LRP1B: variants seen among roughly 807,000 people sequenced by gnomAD.
The protein encoded by LRP1B is LDL receptor related protein 1B, also known as low-density lipoprotein receptor-related protein 1B.
LRP1B carries 217 observed loss-of-function variants against 556.6 expected under a neutral mutation model. The observed-to-expected ratio is 0.39, with a 90% CI of 0.35 to 0.44. The LOEUF is 0.44. LRP1B is among the 20% of genes least tolerant of loss of function. The probability of loss-of-function intolerance (pLI) is 1.00; values close to 1 mark genes in which losing one functional copy is unlikely to be tolerated. For missense variants in LRP1B, 5,053 were observed against 5,620.8 expected (o/e 0.90, Z 3.23); for synonymous variants, 2,047 against 1,865.8 (o/e 1.10, Z -2.50).
At chr2:141,896,208 A>G (rs1699448597) in intron 1 of LRP1B, among the ~76,000 whole-genome samples, 1 of 152,172 alleles carries the variant, frequency 6.6e-6, no homozygotes, top group Non-Finnish European at 1.5e-5. Context: ...GTCTCAAAGA[A>G]AAGCAAAGTT....
chr2:140,367,134 T>C (rs2105157647), intron 71 of LRP1B, among the ~76,000 whole-genome samples: 1 of 151,756 alleles, frequency 6.6e-6, no homozygotes, highest in East Asian at 1.9e-4. Flanking sequence ...ATGCTCATGA[T>C]TGTTATTATT....
At position 141,998,025 on chromosome 2, in the gene LRP1B, T is replaced by TA. The variant is rs540375790; in HGVS notation, c.82+132622dup. On this transcript the variant is annotated intron_variant, in intron 1 of 90. Coordinates refer to ENST00000389484, the MANE Select transcript of LRP1B (RefSeq NM_018557.3). ...CAGGGGCTACTGTTACGTATTAAAG[T>TA]AAAAAAAGGGTGCAGTTTAAACATA... Among the ~76,000 whole-genome samples the TA allele has an allele frequency of 5.2e-3, 795 of 152,040 alleles. 6 individuals carry two copies. The highest frequency in any genetic ancestry group is 0.016 in the South Asian group (75 of 4,824).
At chr2:140,894,933 ACT>A (rs1228812406) in intron 23 of LRP1B, among the ~76,000 whole-genome samples, 1 of 147,008 alleles carries the variant, frequency 6.8e-6, no homozygotes, top group East Asian at 2.0e-4. Flanking sequence ...CCAGAATGAG[ACT>A]CTGCCTCAAA....
At chr2:141,215,063 C>G (rs1335437628) in intron 6 of LRP1B, among the ~76,000 whole-genome samples, 1 of 152,164 alleles carries the variant, frequency 6.6e-6, no homozygotes, top group Non-Finnish European at 1.5e-5. Context: ...GAGGTGGGGA[C>G]TGGTGGGTGA....
intron 20 of LRP1B, among the ~76,000 whole-genome samples, chr2:140,945,702 A>G (rs989614136): frequency 1.3e-5 from 2 of 152,172 alleles, no homozygotes; most frequent in Non-Finnish European, 2.9e-5. Flanking sequence ...ACAAAAAAAA[A>G]TAAAAACTCA....
rs2105036828 is a variant in LRP1B, at chr2:140,813,774, A to G, written c.5242T>C (p.Tyr1748His). The G allele has an allele frequency of 6.2e-7, 1 of 1,609,480 alleles. No individual in the cohort carries two copies. The highest frequency in any genetic ancestry group is 8.5e-7 in the Non-Finnish European group (1 of 1,176,104). ...LSIDYVENKL[Y>H]WISSGNGTIN... ...GTTCCATTCCCTGAACTGATCCAAT[A>G]AAGCTTGTTTTCCACATAGTCTATC... is the stretch of plus-strand genomic sequence containing the variant. Residue 1748 changes from tyrosine to histidine, a missense_variant, in exon 32 of 91, where the codon TAT (tyrosine) becomes CAT (histidine). Around this residue, in one of 5 missense-constraint regions of LRP1B, gnomAD observed 3,619 missense variants for 3,931.9 expected, o/e 0.92. Coordinates refer to ENST00000389484, the MANE Select transcript of LRP1B (RefSeq NM_018557.3).
intron 35 of LRP1B, among the ~76,000 whole-genome samples, chr2:140,762,184 G>GT (rs11423637): frequency 5.7e-4 from 87 of 152,134 alleles, no homozygotes; most frequent in African/African-American, 2.0e-3. Context: ...ATTATGAAAC[G>GT]ATTAGGGATC....
intron 7 of LRP1B, among the ~76,000 whole-genome samples, chr2:141,096,685 AG>A (rs1700329805): frequency 7.5e-6 from 1 of 133,646 alleles, no homozygotes; most frequent in African/African-American, 2.7e-5. Flanking sequence ...AGAGAGAGAG[AG>A]AGAGAAAATA....
chr2:140,532,927 A>ATATATATATAT lies in LRP1B; in HGVS notation c.7762+1093_7762+1094insATATATATATA, dbSNP rs1007771800. 4.2e-3 allele frequency among the ~76,000 whole-genome samples: 199 copies of ATATATATATAT among 47,112 alleles called. 1 individual carries two copies. Among genetic ancestry groups the ATATATATATAT allele is most frequent in the African/African-American group, 0.012 (194 of 16,258 alleles). 30.9% of individuals were successfully genotyped at this position (47,112 alleles called of 152,430 possible). ...GTTCTTACGTGTGCAATCACAGCAC[A>ATATATATATAT]AGATATATATATATATATATACACA... On this transcript the variant is annotated intron_variant, in intron 47 of 90. Coordinates refer to ENST00000389484, the MANE Select transcript of LRP1B (RefSeq NM_018557.3).
At chr2:140,993,823 TG>T (rs1221178069) in intron 16 of LRP1B, among the ~76,000 whole-genome samples, 171 bp downstream of exon 16, 2 of 152,060 alleles carry the variant, frequency 1.3e-5, no homozygotes, top group African/African-American at 4.8e-5. Context: ...TTTGAAACTA[TG>T]CAAAGGAGGC....
At chr2:141,479,118 C>T (rs915896110) in intron 3 of LRP1B, among the ~76,000 whole-genome samples, 4 of 152,092 alleles carry the variant, frequency 2.6e-5, no homozygotes, top group African/African-American at 9.7e-5. Flanking sequence ...GACCTAGTGA[C>T]CAGTTGATTT....
intron 17 of LRP1B, among the ~76,000 whole-genome samples, chr2:140,983,260 G>C (rs1036005624): frequency 6.6e-6 from 1 of 151,856 alleles, no homozygotes; most frequent in African/African-American, 2.4e-5. Flanking sequence ...CATTGGACTA[G>C]AGAAAAAAAT....
intron 1 of LRP1B, among the ~76,000 whole-genome samples, chr2:141,914,418 G>A (rs1005007513): frequency 5.9e-5 from 9 of 151,936 alleles, no homozygotes; most frequent in African/African-American, 1.9e-4. Flanking sequence ...ATAAATTCCT[G>A]ACTTGAAGTG....
chr2:141,111,461 T>A (rs1318214858), intron 7 of LRP1B, among the ~76,000 whole-genome samples: 1 of 152,174 alleles, frequency 6.6e-6, no homozygotes, highest in Admixed American at 6.5e-5. Flanking sequence ...GTTAGCCAGC[T>A]TGCTTTAGGT....
chr2:140,473,029 AAAC>A (rs1245211645), intron 60 of LRP1B, among the ~76,000 whole-genome samples: 50 of 152,230 alleles, frequency 3.3e-4, no homozygotes, highest in African/African-American at 1.2e-3. Context: ...ACCTGCAAAT[AAAC>A]AACTAGGAAA....
chr2:140,518,865 G>C (rs13406810), intron 49 of LRP1B, among the ~76,000 whole-genome samples: 1 of 152,146 alleles, frequency 6.6e-6, no homozygotes, highest in South Asian at 2.1e-4. Flanking sequence ...ATACAATCAC[G>C]TCATCTGCAA....
chr2:140,575,976 G>C (rs143483928), intron 43 of LRP1B, among the ~76,000 whole-genome samples: 12 of 151,966 alleles, frequency 7.9e-5, no homozygotes, highest in African/African-American at 2.9e-4. Flanking sequence ...GTTCAGCCAA[G>C]CAGGAAGCAG....
chr2:141,396,257 G>T (rs997654919), intron 3 of LRP1B, among the ~76,000 whole-genome samples: 2 of 151,998 alleles, frequency 1.3e-5, no homozygotes, highest in South Asian at 4.2e-4. Context: ...TTATACAATC[G>T]ATCTTCAAGT....
chr2:141,112,602 T>C (rs1002812804), intron 7 of LRP1B, among the ~76,000 whole-genome samples: 1 of 152,224 alleles, frequency 6.6e-6, no homozygotes, highest in Non-Finnish European at 1.5e-5. Flanking sequence ...TTAAACAATT[T>C]ATAATAAATA....
Sources: gnomAD v4.1 joint callset for allele counts (sites outside exome capture counted in the v4.1 genomes callset) on GRCh38, gnomAD v4.1.1 for gene constraint, gnomAD v4.1.1 regional missense constraint, MANE v1.5 for transcripts, NCBI Gene and HGNC (gene_info 2026-07-23, HGNC 2026-07-21) for gene names.